The following PIP5K1B variants were observed in gnomAD, a reference collection of about 807,000 sequenced individuals.
PIP5K1B encodes the protein phosphatidylinositol 4-phosphate 5-kinase type-1 beta.
PIP5K1B carries 42 observed loss-of-function variants against 67.0 expected under a neutral mutation model. The ratio of observed to expected loss-of-function variants is 0.63; its 90% CI spans 0.49 to 0.81. The LOEUF (loss-of-function observed/expected upper bound fraction) is 0.81. PIP5K1B is among the 30% of genes least tolerant of loss of function. The pLI is 0.00. For missense variants in PIP5K1B, 459 were observed against 646.3 expected (o/e 0.71, Z 3.14); for synonymous variants, 214 against 231.4 (o/e 0.92, Z 0.68).
chr9:68,863,280 G>A (rs1823193697), intron 4 of PIP5K1B, among the ~76,000 whole-genome samples: 1 of 152,098 alleles, frequency 6.6e-6, no homozygotes, highest in Non-Finnish European at 1.5e-5. Flanking sequence ...ACTACATTAG[G>A]CAGTGCAAGG....
intron 2 of PIP5K1B, among the ~76,000 whole-genome samples, chr9:68,773,413 G>A (rs1830759176): frequency 6.6e-6 from 1 of 152,228 alleles, no homozygotes; most frequent in African/African-American, 2.4e-5. Context: ...GGAACAAGGA[G>A]AGATATCACT....
At chr9:68,932,001 T>A (rs989393956) in intron 12 of PIP5K1B, among the ~76,000 whole-genome samples, 3 of 152,160 alleles carry the variant, frequency 2.0e-5, no homozygotes, top group African/African-American at 7.2e-5. Flanking sequence ...AGTGAACTCT[T>A]TGTTGTGGTG....
Position 68,997,585 on chromosome 9 carries a change from GTGAAGAGATT to G in PIP5K1B, c.1620+6330_1620+6339del, listed in dbSNP as rs1220004174. On this transcript the variant is annotated intron_variant, in intron 15 of 15. Transcript: ENST00000265382. The stretch of plus-strand genomic sequence containing the variant: ...TGCCAGGTGATCACATTGTTGAGAA[GTGAAGAGATT>G]TTGGAAAGGATAAATTAGGGCCCTT... Among the ~76,000 whole-genome samples, 11 of 152,300 alleles carry G rather than the reference GTGAAGAGATT, an allele frequency of 7.2e-5. No homozygotes were observed. The East Asian group carries it at 2.1e-3, about 29-fold the overall frequency.
intron 4 of PIP5K1B, among the ~76,000 whole-genome samples, chr9:68,846,558 T>C (rs1822202139): frequency 1.3e-5 from 2 of 152,214 alleles, no homozygotes; most frequent in Admixed American, 6.5e-5. Flanking sequence ...TTGAGATTGG[T>C]AAACAGCAAG....
At chr9:68,917,299 G>A (rs955675813) in intron 8 of PIP5K1B, among the ~76,000 whole-genome samples, 4 of 152,214 alleles carry the variant, frequency 2.6e-5, no homozygotes, top group African/African-American at 9.6e-5. Context: ...TTCATGGAGG[G>A]TTGAGAAAAC....
intron 5 of PIP5K1B, among the ~76,000 whole-genome samples, chr9:68,867,979 G>T (rs1823444120): frequency 6.6e-6 from 1 of 152,068 alleles, no homozygotes; most frequent in Admixed American, 6.5e-5. Context: ...TTTTGAAGCT[G>T]CTCAAAGTTA....
chr9:68,757,116 T>A (rs1829963849), intron 2 of PIP5K1B, among the ~76,000 whole-genome samples: 1 of 152,144 alleles, frequency 6.6e-6, no homozygotes, highest in Admixed American at 6.5e-5. Context: ...CTTAGCAGTT[T>A]CCCAAGAACA....
intron 6 of PIP5K1B, among the ~76,000 whole-genome samples, chr9:68,878,573 A>C (rs1157075262): frequency 2.0e-5 from 3 of 152,218 alleles, no homozygotes; most frequent in Non-Finnish European, 4.4e-5. Context: ...TAAATTAATC[A>C]ATCAGTGGAC....
rs537289881 is a variant in PIP5K1B at position 68,756,900 on chromosome 9, C to T, written c.-86+14243C>T. Among the ~76,000 whole-genome samples, 12 of 152,140 alleles carry T rather than the reference C, an allele frequency of 7.9e-5. No homozygotes were observed. The South Asian group carries it at 2.1e-3, about 26-fold the overall frequency. ...GCCTAATATATCAAGAATATAGTTT[C>T]GACATGTAATCAACTATGAAGAATT... On this transcript the variant is annotated intron_variant, in intron 2 of 15. Transcript: ENST00000265382.
chr9:68,959,855 C>T (rs1828621200), intron 14 of PIP5K1B, among the ~76,000 whole-genome samples: 1 of 152,208 alleles, frequency 6.6e-6, no homozygotes, highest in African/African-American at 2.4e-5. Flanking sequence ...GATATTTCAG[C>T]AGAGTTACTC....
chr9:68,831,344 G>A (rs1350010691), intron 4 of PIP5K1B, among the ~76,000 whole-genome samples: 2 of 152,188 alleles, frequency 1.3e-5, no homozygotes, highest in African/African-American at 4.8e-5. Flanking sequence ...ATCATTCTAA[G>A]CACTTTAGAA....
intron 4 of PIP5K1B, among the ~76,000 whole-genome samples, chr9:68,823,924 A>G (rs1255162824): frequency 6.6e-6 from 1 of 151,956 alleles, no homozygotes; most frequent in South Asian, 2.1e-4. Context: ...TCTTTATCTG[A>G]TTTTTCCACT....
intron 14 of PIP5K1B, among the ~76,000 whole-genome samples, chr9:68,974,917 T>G (rs1829560602): frequency 6.6e-6 from 1 of 152,242 alleles, no homozygotes. Flanking sequence ...ACCCTGTGTG[T>G]TTTTAGCACA....
chr9:68,993,141 G>T (rs1355824697), intron 15 of PIP5K1B, among the ~76,000 whole-genome samples: 1 of 149,622 alleles, frequency 6.7e-6, no homozygotes, highest in Non-Finnish European at 1.5e-5. Flanking sequence ...CAGCCTGGGC[G>T]ACAGAGCCAG....
intron 2 of PIP5K1B, among the ~76,000 whole-genome samples, chr9:68,804,223 C>T (rs946298252): frequency 2.0e-5 from 3 of 152,082 alleles, no homozygotes; most frequent in Non-Finnish European, 2.9e-5. Context: ...CTCATATTCT[C>T]AGGGTGAAGA....
chr9:68,918,096 T>A (rs1379383991), intron 9 of PIP5K1B, among the ~76,000 whole-genome samples: 1 of 96,278 alleles, frequency 1.0e-5, no homozygotes, highest in Non-Finnish European at 2.3e-5. Flanking sequence ...TATTTATTTA[T>A]TTTTTTTTTT....
chr9:68,777,505 C>T (rs1830977154), intron 2 of PIP5K1B, among the ~76,000 whole-genome samples: 4 of 152,258 alleles, frequency 2.6e-5, no homozygotes, highest in Middle Eastern at 3.4e-3. Context: ...ATGAAAGCCT[C>T]TCCATCAGTA....
At chr9:68,917,396 G>A (rs1826153141) in intron 8 of PIP5K1B, 152 bp from the exon 9 acceptor site, 1 of 677,292 alleles carries the variant, frequency 1.5e-6, no homozygotes, top group Non-Finnish European at 2.7e-6. Flanking sequence ...ATAACCTCAA[G>A]TGTTTTTATT....
chr9:68,784,888 A>G (rs908986239), intron 2 of PIP5K1B, among the ~76,000 whole-genome samples: 12 of 152,178 alleles, frequency 7.9e-5, no homozygotes, highest in African/African-American at 2.9e-4. Context: ...GTTTAGGAGT[A>G]TGGAGGTAGG....
Sources: allele counts gnomAD v4.1 joint callset (sites outside exome capture counted in the v4.1 genomes callset), GRCh38; gene constraint gnomAD v4.1.1; transcripts MANE v1.5; gene names NCBI Gene and HGNC (gene_info 2026-07-23, HGNC 2026-07-21).